The following ULK2 variants were observed in gnomAD, a reference collection of about 807,000 sequenced individuals.
ULK2 encodes the protein unc-51 like autophagy activating kinase 2, also known as serine/threonine-protein kinase ULK2.
ULK2 carries 76 observed loss-of-function variants against 127.5 expected under a neutral mutation model. That is an observed-to-expected ratio of 0.60 (90% CI 0.50 to 0.72). ULK2 has a LOEUF of 0.72. Ranked by LOEUF, ULK2 falls within the 30% of genes least tolerant of loss-of-function variation. The probability of loss-of-function intolerance (pLI) is 0.00; values close to 1 mark genes in which losing one functional copy is unlikely to be tolerated. For missense variants in ULK2, 1,144 were observed against 1,295.9 expected (o/e 0.88, Z 1.80); for synonymous variants, 452 against 461.9 (o/e 0.98, Z 0.28).
At chr17:19,857,410 G>T (rs949539063) in intron 3 of ULK2, among the ~76,000 whole-genome samples, 1 of 151,912 alleles carries the variant, frequency 6.6e-6, no homozygotes, top group Non-Finnish European at 1.5e-5. Context: ...CCATCCCTTG[G>T]ATTGTACAGT....
intron 10 of ULK2, among the ~76,000 whole-genome samples, chr17:19,833,064 A>C (rs1368309197): frequency 6.9e-6 from 1 of 145,878 alleles, no homozygotes; most frequent in Non-Finnish European, 1.5e-5. Context: ...CGGAGCTTGC[A>C]GTGAGCTGAG....
chr17:19,807,310 G>A (rs2087535112), intron 14 of ULK2, among the ~76,000 whole-genome samples: 1 of 152,128 alleles, frequency 6.6e-6, no homozygotes, highest in Non-Finnish European at 1.5e-5. Flanking sequence ...AGTGAGAAAG[G>A]GGTTACTGCA....
chr17:19,847,801 G>C (rs898819667), intron 5 of ULK2, among the ~76,000 whole-genome samples: 1 of 152,194 alleles, frequency 6.6e-6, no homozygotes, highest in Non-Finnish European at 1.5e-5. Flanking sequence ...ACTTGCCTCA[G>C]CTGCCCACAG....
At chr17:19,866,814 G>A (rs560993951) in intron 1 of ULK2, among the ~76,000 whole-genome samples, 1 of 152,186 alleles carries the variant, frequency 6.6e-6, no homozygotes, top group Non-Finnish European at 1.5e-5. Flanking sequence ...GACTCCGGGG[G>A]GGAAAACGGT....
intron 10 of ULK2, among the ~76,000 whole-genome samples, chr17:19,835,980 G>T (rs1038416974): frequency 3.3e-5 from 5 of 151,528 alleles, no homozygotes. Context: ...AAAATTAGCC[G>T]ACTGGGCCGC....
At chr17:19,824,446 C>CAAAAAA (rs397943235) in intron 12 of ULK2, among the ~76,000 whole-genome samples, 6 of 9,900 alleles carry the variant, frequency 6.1e-4, no homozygotes, top group Admixed American at 1.7e-3. Flanking sequence ...AACTCCATCT[C>CAAAAAA]AAAAAAAAAA....
At chr17:19,798,408 A>T (rs1274796610) in intron 17 of ULK2, among the ~76,000 whole-genome samples, 1 of 152,204 alleles carries the variant, frequency 6.6e-6, no homozygotes, top group South Asian at 2.1e-4. Context: ...TGCTGTTTCC[A>T]ACCCAAGGTC....
intron 3 of ULK2, among the ~76,000 whole-genome samples, chr17:19,851,673 T>C (rs913429826): frequency 1.3e-5 from 2 of 151,082 alleles, no homozygotes; most frequent in Non-Finnish European, 2.9e-5. Flanking sequence ...AATAAAAAAG[T>C]CTTGAAGGAC....
chr17:19,861,879 T>C (rs917882393), intron 3 of ULK2, among the ~76,000 whole-genome samples: 1 of 152,196 alleles, frequency 6.6e-6, no homozygotes, highest in East Asian at 1.9e-4. Flanking sequence ...TAATAAAATA[T>C]ACCCACTGCA....
chr17:19,799,681 G>A (rs1567685610), intron 16 of ULK2, 106 bp from the exon 17 acceptor site: 1 of 1,119,618 alleles, frequency 8.9e-7, no homozygotes, highest in South Asian at 2.4e-5. Flanking sequence ...GTAAACTACT[G>A]GTTAGAAAAT....
chr17:19,796,999 T>A lies in ULK2; in HGVS notation c.1809+397A>T, dbSNP rs2087285872. 3.9e-5 allele frequency among the ~76,000 whole-genome samples: 6 copies of A among 152,348 alleles called. No homozygotes were observed. The South Asian group carries it at 1.2e-3, about 32-fold the overall frequency. ...GGTACACAGAAAGTGCTCATTATAT[T>A]ATAGCTATTATTGTCCAGGAGCAGT... On this transcript the variant is annotated intron_variant, in intron 18 of 26. Coordinates refer to ENST00000395544, the MANE Select transcript of ULK2 (RefSeq NM_014683.4).
intron 15 of ULK2, among the ~76,000 whole-genome samples, chr17:19,802,397 GAATT>G (rs1250040623): frequency 2.6e-5 from 4 of 151,908 alleles, no homozygotes; most frequent in African/African-American, 4.8e-5. Flanking sequence ...GAATTTTTAA[GAATT>G]ATTAACTCAT....
rs114829325 is a variant in ULK2, at chr17:19,788,063, C to T, written c.2102-1977G>A. 4.5e-3 allele frequency among the ~76,000 whole-genome samples: 679 copies of T among 152,266 alleles called. 2 individuals are homozygous for T. Among genetic ancestry groups the T allele is most frequent in the African/African-American group, 0.016 (652 of 41,558 alleles). On this transcript the variant is annotated intron_variant, in intron 20 of 26. Transcript: ENST00000395544. ...GAGGGAAAGTGCCTGTCTGAGTGGC[C>T]AGAATGTGAGTTTCTGCAAGCCTCA...
At chr17:19,812,413 T>G (rs1459566651) in intron 13 of ULK2, among the ~76,000 whole-genome samples, 1 of 152,224 alleles carries the variant, frequency 6.6e-6, no homozygotes, top group African/African-American at 2.4e-5. Context: ...AAACCCATTG[T>G]AGGCTGAAAT....
At chr17:19,847,169 T>TCA (rs1807226259) in intron 5 of ULK2, among the ~76,000 whole-genome samples, 1 of 152,212 alleles carries the variant, frequency 6.6e-6, no homozygotes, top group South Asian at 2.1e-4. Context: ...TGCTTTTCCT[T>TCA]CATGTTTTTA....
chr17:19,776,543 T>G, intron 26 of ULK2, 136 bp from the exon 27 acceptor site: 1 of 848,144 alleles, frequency 1.2e-6, no homozygotes, highest in South Asian at 1.9e-5. Context: ...TAGATATGAC[T>G]TCTAGCTTAG....
rs1250659679 is a variant in ULK2, at chr17:19,780,453, A to G, written c.2916+19T>C. The G allele has an allele frequency of 6.3e-7, 1 of 1,598,614 alleles. No homozygotes were observed. The highest frequency in any genetic ancestry group is 1.3e-5 in the African/African-American group (1 of 74,112). On this transcript the variant is annotated intron_variant, in intron 25 of 26. Transcript: ENST00000395544. ...AAGATAAGTAGTACTATACAATATT[A>G]AACCTTAGAAAGGGTTACCATTTCT... is the stretch of plus-strand genomic sequence containing the variant.
chr17:19,859,008 G>A (rs2042188026), intron 3 of ULK2, among the ~76,000 whole-genome samples: 2 of 151,992 alleles, frequency 1.3e-5, no homozygotes, highest in South Asian at 4.1e-4. Flanking sequence ...AATAAAATTA[G>A]GCTGGGCATG....
intron 3 of ULK2, among the ~76,000 whole-genome samples, chr17:19,857,986 C>G (rs1283450766): frequency 6.6e-6 from 1 of 152,046 alleles, no homozygotes; most frequent in Non-Finnish European, 1.5e-5. Flanking sequence ...TCCCACCCAT[C>G]CCTCAGTCTC....
Sources: allele counts gnomAD v4.1 joint callset (sites outside exome capture counted in the v4.1 genomes callset), GRCh38; gene constraint gnomAD v4.1.1; transcripts MANE v1.5; gene names NCBI Gene and HGNC (gene_info 2026-07-23, HGNC 2026-07-21).